The following MRTFB variants were observed in gnomAD, a reference collection of about 807,000 sequenced individuals.
The protein encoded by MRTFB is myocardin related transcription factor B.
In MRTFB, 29 loss-of-function variants were observed where a neutral mutation model predicts 104.2. The observed-to-expected ratio is 0.28, with a 90% CI of 0.21 to 0.38. MRTFB has a LOEUF of 0.38. Ranked by LOEUF, MRTFB falls within the 10% of genes least tolerant of loss-of-function variation. MRTFB has a pLI of 1.00. For missense variants in MRTFB, 1,270 were observed against 1,341.6 expected, an observed-to-expected ratio of 0.95 and a Z score of 0.83; for synonymous variants, 535 against 519.5, an observed-to-expected ratio of 1.03 and a Z score of -0.41.
chr16:14,004,275 G>T, the MRTFB span, among the ~76,000 whole-genome samples: 1 of 152,138 alleles, frequency 6.6e-6, no homozygotes, highest in Non-Finnish European at 1.5e-5. Context: ...TCCCAAAGCC[G>T]CCCATCCTGT....
In MRTFB at chr16:14,100,230, C is replaced by G. The variant is rs571007203; in HGVS notation, c.-64+20876C>G. On this transcript the variant is annotated intron_variant, in intron 2 of 16. Transcript: ENST00000571589. Reference sequence around the variant, plus strand: ...GTCTTATTATTAAGTGTGATGTTAGCTATAGGTTTATTGTGGACTCCTTTA... The same window carrying G: ...GTCTTATTATTAAGTGTGATGTTAGGTATAGGTTTATTGTGGACTCCTTTA... Among the ~76,000 whole-genome samples the G allele has an allele frequency of 2.4e-4, 37 of 152,244 alleles. 1 individual carries two copies. The highest frequency in any genetic ancestry group is 9.8e-4 in the Admixed American group (15 of 15,288).
chr16:14,209,590 A>C (rs1029214411), intron 3 of MRTFB, among the ~76,000 whole-genome samples: 1 of 152,226 alleles, frequency 6.6e-6, no homozygotes, highest in Non-Finnish European at 1.5e-5. Flanking sequence ...TCTCCATTTC[A>C]TAATGTATAT....
At chr16:14,135,412 C>T in intron 2 of MRTFB, among the ~76,000 whole-genome samples, 1 of 152,192 alleles carries the variant, frequency 6.6e-6, no homozygotes, top group East Asian at 1.9e-4. Flanking sequence ...GTGTTACAGT[C>T]ACCTGTAACA....
At chr16:14,108,200 T>C (rs2036091081) in intron 2 of MRTFB, among the ~76,000 whole-genome samples, 2 of 152,306 alleles carry the variant, frequency 1.3e-5, no homozygotes, top group South Asian at 4.1e-4. Context: ...AGGAGTAGTA[T>C]TGGGGTGGGT....
intron 15 of MRTFB, among the ~76,000 whole-genome samples, chr16:14,253,667 C>T (rs574242212): frequency 1.3e-5 from 2 of 152,194 alleles, no homozygotes; most frequent in East Asian, 1.9e-4. Flanking sequence ...GTTTGGCACC[C>T]TCACCAAGGA....
chr16:14,100,684 A>G (rs1454462232), intron 2 of MRTFB, among the ~76,000 whole-genome samples: 2 of 152,242 alleles, frequency 1.3e-5, no homozygotes, highest in African/African-American at 4.8e-5. Context: ...GCTAGAATTC[A>G]CCAGTGAAGC....
chr16:14,260,768 A>T, intron 16 of MRTFB, 141 bp from the exon 17 acceptor site: 1 of 670,286 alleles, frequency 1.5e-6, no homozygotes, highest in Non-Finnish European at 2.5e-6. Flanking sequence ...GTACCTGACC[A>T]ATAGCATTCT....
chr16:14,180,910 A>G (rs995272174), intron 3 of MRTFB, among the ~76,000 whole-genome samples: 9 of 152,304 alleles, frequency 5.9e-5, no homozygotes, highest in South Asian at 2.1e-4. Context: ...GTGGTGTTCA[A>G]TTCTGCTGCA....
intron 1 of MRTFB, among the ~76,000 whole-genome samples, chr16:14,078,653 C>T (rs1395938478): frequency 6.6e-6 from 1 of 150,890 alleles, no homozygotes; most frequent in Non-Finnish European, 1.5e-5. Context: ...TGGTCTCAAA[C>T]TTCAGGGCTC....
rs1245688542 is a variant in MRTFB, at chr16:14,177,802, A to C, written c.155-32441A>C. Among the ~76,000 whole-genome samples, 1 of 152,086 alleles carries C rather than the reference A, an allele frequency of 6.6e-6. No individual in the cohort carries two copies. The highest frequency in any genetic ancestry group is 1.5e-5 in the Non-Finnish European group (1 of 68,022). ...TGCACCACTGTACTCCAGCCTGGACAACAGAACAAGTCTCTGTCTTGAAAA... is the reference window on the plus strand; with the variant it reads ...TGCACCACTGTACTCCAGCCTGGACCACAGAACAAGTCTCTGTCTTGAAAA... On this transcript the variant is annotated intron_variant, in intron 3 of 16. Transcript: ENST00000571589. This position sits in a 1 kb window ranked among gnomAD's most constrained non-coding sequence, Gnocchi z 4.7.
At chr16:14,014,176 C>A in the MRTFB span, among the ~76,000 whole-genome samples, 4 of 152,082 alleles carry the variant, frequency 2.6e-5, no homozygotes, top group African/African-American at 7.2e-5. Flanking sequence ...TTCCCAATTG[C>A]GTGGAGAATG....
chr16:14,101,494 C>T (rs1355106296), intron 2 of MRTFB, among the ~76,000 whole-genome samples: 1 of 152,204 alleles, frequency 6.6e-6, no homozygotes, highest in Non-Finnish European at 1.5e-5. Context: ...TACACATCTC[C>T]TTCTTGGTTG....
chr16:14,242,737 CCTCT>C (rs1164988857), intron 10 of MRTFB, among the ~76,000 whole-genome samples: 2 of 152,116 alleles, frequency 1.3e-5, no homozygotes, highest in Non-Finnish European at 2.9e-5. Flanking sequence ...TCGTTAGCAA[CCTCT>C]CTCTTTTTTC....
intron 2 of MRTFB, among the ~76,000 whole-genome samples, chr16:14,136,108 C>T (rs929363682): frequency 6.6e-6 from 1 of 151,964 alleles, no homozygotes; most frequent in South Asian, 2.1e-4. Context: ...CCTGTCTCTA[C>T]TAAAAATACA....
chr16:14,067,738 T>TAGGG (rs2033538654), upstream of MRTFB, among the ~76,000 whole-genome samples: 1 of 152,212 alleles, frequency 6.6e-6, no homozygotes, highest in Non-Finnish European at 1.5e-5. Flanking sequence ...CTTTCATGAC[T>TAGGG]AGGGGGAAGT....
the MRTFB span, among the ~76,000 whole-genome samples, chr16:14,022,541 C>T: frequency 1.4e-4 from 22 of 152,070 alleles, no homozygotes; most frequent in Non-Finnish European, 3.1e-4. Context: ...GGACTACAGG[C>T]GTATGCCACC....
chr16:14,054,038 G>C, the MRTFB span, among the ~76,000 whole-genome samples: 13 of 152,062 alleles, frequency 8.5e-5, no homozygotes, highest in Non-Finnish European at 1.6e-4. Flanking sequence ...CTTACTGTTT[G>C]ACGAGTCTAT....
At chr16:14,169,172 G>A (rs940161996) in intron 3 of MRTFB, among the ~76,000 whole-genome samples, 1 of 151,860 alleles carries the variant, frequency 6.6e-6, no homozygotes, top group African/African-American at 2.4e-5. Context: ...ATCCCCCTCC[G>A]ACCATCAGTC....
intron 2 of MRTFB, among the ~76,000 whole-genome samples, chr16:14,090,011 A>G (rs1428967532): frequency 6.6e-6 from 1 of 152,102 alleles, no homozygotes; most frequent in Admixed American, 6.5e-5. Flanking sequence ...TTCTTTATAT[A>G]TTTTGTATAC....
Sources: allele counts gnomAD v4.1 joint callset (sites outside exome capture counted in the v4.1 genomes callset), GRCh38; gene constraint gnomAD v4.1.1; non-coding constraint Gnocchi (gnomAD v3.1); transcripts MANE v1.5; gene names NCBI Gene and HGNC (gene_info 2026-07-23, HGNC 2026-07-21).